The following MRO variants were observed in gnomAD, a reference collection of about 807,000 sequenced individuals.
MRO encodes the protein maestro, also known as protein maestro.
A neutral mutation model predicts 31.0 loss-of-function variants in MRO; 28 were observed. The observed-to-expected ratio is 0.90, with a 90% CI of 0.67 to 1.24. MRO has a LOEUF of 1.24. Among genes scored for constraint, MRO ranks in the 50% most tolerant of loss-of-function variants. The pLI is 0.00. For synonymous variants in MRO, 108 were observed against 108.4 expected, an observed-to-expected ratio of 1.00 and a Z score of 0.02; for missense variants, 332 against 289.2, an observed-to-expected ratio of 1.15 and a Z score of -1.07.
intron 7 of MRO, among the ~76,000 whole-genome samples, 185 bp downstream of exon 7, chr18:50,799,851 C>T (rs545581553): frequency 6.6e-6 from 1 of 152,260 alleles, no homozygotes; most frequent in Admixed American, 6.5e-5. Flanking sequence ...GTGAAGGCTG[C>T]AGTGAGCCAA....
At chr18:50,802,714 TTTTTTG>T (rs61341717) in intron 5 of MRO, among the ~76,000 whole-genome samples, 2,871 of 151,968 alleles carry the variant, frequency 0.019, 86 homozygotes, top group East Asian at 0.14. Flanking sequence ...GTTTTTGTTT[TTTTTTG>T]TTTTTGTTTT....
chr18:50,807,583 T>C (rs1914070333), intron 3 of MRO, among the ~76,000 whole-genome samples: 1 of 152,036 alleles, frequency 6.6e-6, no homozygotes, highest in African/African-American at 2.4e-5. Context: ...ATTAATCTAG[T>C]ACACATCTAC....
At chr18:50,813,522 C>T (rs1169461555) in intron 2 of MRO, among the ~76,000 whole-genome samples, 3 of 152,212 alleles carry the variant, frequency 2.0e-5, no homozygotes, top group South Asian at 2.1e-4. Flanking sequence ...TTCTGTGCAT[C>T]GGCAGCAGGG....
rs1915208948 is a variant in MRO at position 50,819,606 on chromosome 18, C to T, written c.-30G>A. ...CTGCGGCTCCTGCAGGCGGCTGCCA[C>T]GTGATGAACCGGAGCCCGTTCCTGA... On this transcript the variant is annotated 5_prime_UTR_variant, in exon 2 of 8. The change creates a new upstream start codon in the 5' untranslated region. Coordinates refer to ENST00000398439, the MANE Select transcript of MRO (RefSeq NM_031939.6). 2 of 1,551,496 alleles carry T rather than the reference C, an allele frequency of 1.3e-6. No homozygotes were observed. Among genetic ancestry groups the T allele is most frequent in the Non-Finnish European group, 1.7e-6 (2 of 1,146,974 alleles).
In MRO at chr18:50,799,009, G is replaced by C; in HGVS notation, c.*328C>G. On this transcript the variant is annotated 3_prime_UTR_variant, in exon 8 of 8. Coordinates refer to ENST00000398439, the MANE Select transcript of MRO (RefSeq NM_031939.6). ...ATTGAGTATTAAAAATAAAAGCTAGGTGACAGAGATGAACTTAAGAAAGAA... is the reference window on the plus strand; with the variant it reads ...ATTGAGTATTAAAAATAAAAGCTAGCTGACAGAGATGAACTTAAGAAAGAA... 5.0e-6 allele frequency: 1 copy of C among 199,402 alleles called. No individual in the cohort carries two copies. Among genetic ancestry groups the C allele is most frequent in the Non-Finnish European group, 1.0e-5 (1 of 98,988 alleles). The allele number at this position is 199,402 out of a possible 1,614,324, so 12.4% of individuals were successfully genotyped here.
At chr18:50,823,750 C>G (rs1399172060), upstream of MRO, 1 of 170,750 alleles carries the variant, frequency 5.9e-6, no homozygotes, top group Non-Finnish European at 1.3e-5. Flanking sequence ...GCACTGTGTG[C>G]CTTTCCGTCA....
At chr18:50,817,979 T>C (rs915242626) in intron 2 of MRO, among the ~76,000 whole-genome samples, 1 of 150,830 alleles carries the variant, frequency 6.6e-6, no homozygotes, top group African/African-American at 2.4e-5. Flanking sequence ...ACTTGCAGCT[T>C]CTTAAAGAAC....
intron 5 of MRO, among the ~76,000 whole-genome samples, chr18:50,802,649 T>C (rs1246698650): frequency 2.0e-5 from 3 of 152,216 alleles, no homozygotes; most frequent in Non-Finnish European, 4.4e-5. Context: ...ACTAATCATA[T>C]TGTGAAGTAT....
At chr18:50,815,002 A>C (rs964273501) in intron 2 of MRO, 13 of 156,712 alleles carry the variant, frequency 8.3e-5, no homozygotes, top group African/African-American at 3.1e-4. Flanking sequence ...CAGAGGTTGC[A>C]GTGAGCTGAG....
At chr18:50,819,429 T>C (rs1472196065) in intron 2 of MRO, 152 bp downstream of exon 2, 1 of 985,274 alleles carries the variant, frequency 1.0e-6, no homozygotes, top group Non-Finnish European at 1.2e-6. Context: ...CCACTTCAGT[T>C]TTACAAAGAG....
chr18:50,821,751 G>A (rs961015470), upstream of MRO, among the ~76,000 whole-genome samples: 15 of 152,170 alleles, frequency 9.9e-5, no homozygotes, highest in Non-Finnish European at 1.9e-4. Flanking sequence ...TGTTAAATAG[G>A]AGAACTAATA....
chr18:50,819,781 G>A, intron 1 of MRO, 79 bp from the exon 2 acceptor site: 2 of 1,545,686 alleles, frequency 1.3e-6, no homozygotes, highest in South Asian at 2.4e-5. Context: ...GTTGGAAAGT[G>A]AGAATCAAAT....
Position 50,798,606 on chromosome 18 carries a change from G to A in MRO, c.*731C>T, listed in dbSNP as rs984496226. The A allele has an allele frequency of 3.3e-5, 5 of 152,086 alleles. No homozygotes were observed. The highest frequency in any genetic ancestry group is 3.8e-4 in the East Asian group (2 of 5,196). The allele number at this position is 152,086 out of a possible 1,614,324, so 9.4% of individuals were successfully genotyped here. A position where few individuals can be genotyped will look rare whatever the true frequency, so the allele number is the denominator to read the frequency against. On this transcript the variant is annotated 3_prime_UTR_variant, in exon 8 of 8. Transcript: ENST00000398439. ...TAATACTTACTATCTCAGGGTTGTC[G>A]CAAGTATTAAATAGAACTTACAAAA...
chr18:50,803,637 C>G (rs907749813), intron 5 of MRO, among the ~76,000 whole-genome samples: 3 of 152,314 alleles, frequency 2.0e-5, no homozygotes, highest in South Asian at 4.1e-4. Flanking sequence ...GACCTTCGCC[C>G]GCTCCCTCCC....
chr18:50,799,091 T>C lies in MRO; in HGVS notation c.*246A>G. The C allele has an allele frequency of 2.1e-6, 1 of 470,432 alleles. No homozygotes were observed. Among genetic ancestry groups the C allele is most frequent in the Non-Finnish European group, 3.8e-6 (1 of 259,746 alleles). 29.1% of individuals were successfully genotyped at this position (470,432 alleles called of 1,614,324 possible). On this transcript the variant is annotated 3_prime_UTR_variant, in exon 8 of 8. Coordinates refer to ENST00000398439, the MANE Select transcript of MRO (RefSeq NM_031939.6). ...CACTTGGAATGTTTTAAAGAAAGTG[T>C]GTACCTGCTCATCAAATTTGTATGG...
Position 50,802,715 on chromosome 18 carries a change from TTTTTG to T in MRO, c.430-1216_430-1212del, listed in dbSNP as rs1368022699. On this transcript the variant is annotated intron_variant, in intron 5 of 7. Transcript: ENST00000398439. The stretch of plus-strand genomic sequence containing the variant: ...GAAATTGTCTTAGGGTTTTTGTTTT[TTTTTG>T]TTTTTGTTTTTGTTTTTGTTTTAGA... 1.2e-4 allele frequency among the ~76,000 whole-genome samples: 18 copies of T among 146,206 alleles called. 2 individuals carry two copies. The East Asian group carries it at 4.2e-3, about 34-fold the overall frequency.
Position 50,805,254 on chromosome 18 carries a change from C to T in MRO, c.329G>A (p.Ser110Asn), listed in dbSNP as rs1277381190. The change falls in exon 5 of 8, where the codon AGT becomes AAT. Residue 110 changes from serine to asparagine, a missense_variant. Transcript: ENST00000398439. Reference sequence around the variant, plus strand: ...CAGAACGACGGTCAGAGTCTTCATACTCTCATGGATGACTTCCAAATTCAC... The same window carrying T: ...CAGAACGACGGTCAGAGTCTTCATATTCTCATGGATGACTTCCAAATTCAC... ...DPVNLEVIHE[S>N]MKTLTVVLGK... 5.0e-6 allele frequency: 8 copies of T among 1,613,952 alleles called. No individual in the cohort carries two copies. Among genetic ancestry groups the T allele is most frequent in the Non-Finnish European group, 6.8e-6 (8 of 1,179,962 alleles).
intron 5 of MRO, among the ~76,000 whole-genome samples, 155 bp downstream of exon 5, chr18:50,804,999 C>T (rs959654430): frequency 1.3e-5 from 2 of 148,766 alleles, no homozygotes; most frequent in Admixed American, 1.3e-4. Context: ...ACCATGTTGG[C>T]CAGGATGGTC....
At chr18:50,808,805 C>T (rs1914178521) in intron 3 of MRO, among the ~76,000 whole-genome samples, 1 of 151,310 alleles carries the variant, frequency 6.6e-6, no homozygotes, top group African/African-American at 2.4e-5. Context: ...TTATTCTCAA[C>T]TTATCTTCCT....
Sources: allele counts gnomAD v4.1 joint callset (sites outside exome capture counted in the v4.1 genomes callset), GRCh38; gene constraint gnomAD v4.1.1; transcripts MANE v1.5; gene names NCBI Gene and HGNC (gene_info 2026-07-23, HGNC 2026-07-21).